UNC13B: variants seen among roughly 807,000 people sequenced by gnomAD.
UNC13B encodes the protein unc-13 homolog B, also known as protein unc-13 homolog B.
A neutral mutation model predicts 211.0 loss-of-function variants in UNC13B; 144 were observed. The observed-to-expected ratio is 0.68, with a 90% CI of 0.60 to 0.78. UNC13B has a LOEUF of 0.78. UNC13B is among the 30% of genes least tolerant of loss of function. The pLI is 0.00. For synonymous variants in UNC13B, 709 were observed against 725.8 expected, an observed-to-expected ratio of 0.98 and a Z score of 0.37; for missense variants, 1,777 against 2,002.0, an observed-to-expected ratio of 0.89 and a Z score of 2.14.
chr9:35,198,205 AT>A (rs1823052900), intron 1 of UNC13B, among the ~76,000 whole-genome samples: 1 of 152,226 alleles, frequency 6.6e-6, no homozygotes, highest in African/African-American at 2.4e-5. Flanking sequence ...GTGGTAGGTG[AT>A]GGATCATGGG....
chr9:35,202,839 G>A (rs139596347), intron 1 of UNC13B, among the ~76,000 whole-genome samples: 4,113 of 150,678 alleles, frequency 0.027, 104 homozygotes, highest in South Asian at 0.13. Flanking sequence ...GTCACCCAGG[G>A]TGGAGTGCAG....
intron 24 of UNC13B, 137 bp downstream of exon 24, chr9:35,386,430 A>G (rs1835196273): frequency 2.6e-6 from 3 of 1,148,448 alleles, no homozygotes; most frequent in South Asian, 3.2e-5. Flanking sequence ...TGGAGTATGA[A>G]CCATGTGGAC....
intron 10 of UNC13B, among the ~76,000 whole-genome samples, chr9:35,311,901 T>C (rs1305685478): frequency 6.6e-6 from 1 of 152,212 alleles, no homozygotes; most frequent in African/African-American, 2.4e-5. Context: ...CTGAATGTTA[T>C]TACTGAGCTA....
chr9:35,240,597 A>G (rs1351080759), intron 5 of UNC13B, among the ~76,000 whole-genome samples: 1 of 152,068 alleles, frequency 6.6e-6, no homozygotes, highest in East Asian at 1.9e-4. Flanking sequence ...TTCTTGAATA[A>G]ATGTTTTTTC....
intron 3 of UNC13B, among the ~76,000 whole-genome samples, chr9:35,231,655 G>A (rs1825210811): frequency 6.6e-6 from 1 of 152,054 alleles, no homozygotes; most frequent in Non-Finnish European, 1.5e-5. Flanking sequence ...GTGTACCTCA[G>A]TCATCTGTTT....
chr9:35,195,610 T>TACCTTATTTCTGATTTTAGCCTTTTCC (rs1302963221), intron 1 of UNC13B, among the ~76,000 whole-genome samples: 1 of 152,234 alleles, frequency 6.6e-6, no homozygotes, highest in African/African-American at 2.4e-5. Flanking sequence ...TAGCCTTTTT[T>TACCTTATTTCTGATTTTAGCCTTTTCC]ACCTTATTTC....
chr9:35,301,724 A>G lies in UNC13B; in HGVS notation c.2320A>G (p.Thr774Ala), dbSNP rs1829697390. The change falls in exon 9 of 40, where the codon ACT becomes GCT. Residue 774 changes from threonine to alanine, a missense_variant. Coordinates refer to ENST00000635942, the MANE Select transcript of UNC13B (RefSeq NM_001371189.2). The stretch of plus-strand genomic sequence containing the variant: ...TCAACAAAAAATATGTGCCAAAGAT[A>G]CTCCAGGACATCCTTGTATAGCTGG... ...PDQQKICAKD[T>A]PGHPCIAGSR... 2.5e-6 allele frequency: 1 copy of G among 398,720 alleles called. No homozygotes were observed. The highest frequency in any genetic ancestry group is 1.3e-4 in the South Asian group (1 of 7,850). 24.7% of individuals were successfully genotyped at this position (398,720 alleles called of 1,614,324 possible).
Position 35,403,812 on chromosome 9 carries a change from T to A in UNC13B, c.12802T>A (p.Phe4268Ile). Residue 4268 changes from phenylalanine to isoleucine, a missense_variant, in exon 40 of 40, where the codon TTT (phenylalanine) becomes ATT (isoleucine). Transcript: ENST00000635942. ...ELQICVKDYC[F>I]AREDRVLGLA... ...GCAGATATGCGTGAAGGATTACTGC[T>A]TTGCCCGGGAAGATCGCGTGCTAGG... The A allele has an allele frequency of 6.2e-7, 1 of 1,614,120 alleles. No individual in the cohort carries two copies. Among genetic ancestry groups the A allele is most frequent in the Non-Finnish European group, 8.5e-7 (1 of 1,180,006 alleles).
At chr9:35,390,799 C>A in intron 26 of UNC13B, 85 bp downstream of exon 26, 1 of 1,342,440 alleles carries the variant, frequency 7.4e-7, no homozygotes, top group Non-Finnish European at 1.0e-6. Context: ...TAGACAACTA[C>A]AAGTTCTGGG....
intron 1 of UNC13B, among the ~76,000 whole-genome samples, chr9:35,209,673 A>G (rs1256907673): frequency 1.3e-5 from 2 of 152,194 alleles, no homozygotes; most frequent in Admixed American, 1.3e-4. Context: ...CCACACGCCC[A>G]GCCAAATGAG....
intron 1 of UNC13B, among the ~76,000 whole-genome samples, chr9:35,202,345 C>T (rs1035672673): frequency 6.6e-6 from 1 of 152,130 alleles, no homozygotes; most frequent in Non-Finnish European, 1.5e-5. Context: ...CTGTAGACGT[C>T]TATTAGGTCC....
intron 11 of UNC13B, chr9:35,360,754 G>A (rs1056265735): frequency 6.6e-6 from 1 of 152,216 alleles, no homozygotes; most frequent in Non-Finnish European, 1.5e-5. Context: ...TGGTCTCAAT[G>A]GATCCTCCCA....
chr9:35,402,076 C>A lies in UNC13B; in HGVS notation c.12485-1091C>A, dbSNP rs1459070440. 19 of 1,446,966 alleles carry A rather than the reference C, an allele frequency of 1.3e-5. 1 individual carries two copies. In the South Asian group the frequency reaches 1.5e-4, roughly 11 times the overall value. The allele number at this position is 1,446,966 out of a possible 1,614,324, so 89.6% of individuals were successfully genotyped here. ...ACTGACCCCTGGGAGCTAGAATGAG[C>A]AACTCGTGCTGGGGGTGGGGGAACA... On this transcript the variant is annotated intron_variant, in intron 37 of 39. Transcript: ENST00000635942.
At chr9:35,350,522 G>A (rs1368428460) in intron 11 of UNC13B, among the ~76,000 whole-genome samples, 1 of 152,158 alleles carries the variant, frequency 6.6e-6, no homozygotes, top group African/African-American at 2.4e-5. Flanking sequence ...AGCCCTTAGA[G>A]AGTATTAAGT....
chr9:35,226,293 C>T (rs1225667986), intron 1 of UNC13B, among the ~76,000 whole-genome samples: 2 of 152,104 alleles, frequency 1.3e-5, no homozygotes, highest in Non-Finnish European at 2.9e-5. Context: ...TGCAAGGTTC[C>T]CCCTGCCCCC....
At chr9:35,183,677 C>T (rs1365133805) in intron 1 of UNC13B, among the ~76,000 whole-genome samples, 4 of 141,874 alleles carry the variant, frequency 2.8e-5, no homozygotes, top group Non-Finnish European at 6.1e-5. Flanking sequence ...CAGAGGCGCT[C>T]CTCACTTCCC....
intron 10 of UNC13B, among the ~76,000 whole-genome samples, chr9:35,312,575 C>A (rs775199420): frequency 6.6e-6 from 1 of 152,172 alleles, no homozygotes. Context: ...CAGGTCCTAG[C>A]TGTGAGAGTG....
chr9:35,377,283 T>A (rs1235761695), intron 15 of UNC13B, among the ~76,000 whole-genome samples, 185 bp from the exon 16 acceptor site: 11 of 152,204 alleles, frequency 7.2e-5, no homozygotes, highest in Non-Finnish European at 1.6e-4. Flanking sequence ...AGTAATGACT[T>A]GGCCAAAATC....
intron 1 of UNC13B, among the ~76,000 whole-genome samples, chr9:35,174,672 C>T (rs189615546): frequency 1.2e-3 from 176 of 152,168 alleles, no homozygotes; most frequent in African/African-American, 4.0e-3. Flanking sequence ...CTCAGCCTCC[C>T]GAGTAGCTGG....
Sources: allele counts gnomAD v4.1 joint callset (sites outside exome capture counted in the v4.1 genomes callset), GRCh38; gene constraint gnomAD v4.1.1; transcripts MANE v1.5; gene names NCBI Gene and HGNC (gene_info 2026-07-23, HGNC 2026-07-21).